Variants in FHIP1B observed in about 807,000 individuals in gnomAD.
FHIP1B encodes the protein FHF complex subunit HOOK-interacting protein 1B.
In FHIP1B, 28 loss-of-function variants were observed where a neutral mutation model predicts 82.2. The ratio of observed to expected loss-of-function variants is 0.34; its 90% CI spans 0.25 to 0.47. The LOEUF is 0.47. Among genes scored for constraint, FHIP1B ranks in the 20% least tolerant of loss-of-function variants. FHIP1B has a pLI of 1.00. For synonymous variants in FHIP1B, 585 were observed against 516.1 expected (o/e 1.13, Z -1.81); for missense variants, 1,110 against 1,262.6 (o/e 0.88, Z 1.83).
At chr11:6,213,105 A>C (rs1230925897) in intron 11 of FHIP1B, among the ~76,000 whole-genome samples, 4 of 152,166 alleles carry the variant, frequency 2.6e-5, no homozygotes, top group African/African-American at 9.7e-5. Flanking sequence ...GGCCCCTCTA[A>C]AGTGACCCCA....
chr11:6,218,893 A>G (rs996635541), intron 7 of FHIP1B, 78 bp downstream of exon 7: 2 of 1,565,500 alleles, frequency 1.3e-6, no homozygotes, highest in Admixed American at 1.7e-5. Flanking sequence ...TAACCCCTAT[A>G]TAGCCCATTG....
In FHIP1B at chr11:6,218,063, T is replaced by G. The variant is rs750991220; in HGVS notation, c.1523A>C (p.Gln508Pro). 17 of 1,613,548 alleles carry G rather than the reference T, an allele frequency of 1.1e-5. 1 individual carries two copies. The highest frequency in any genetic ancestry group is 8.8e-5 in the South Asian group (8 of 91,042). Residue 508 changes from glutamine to proline, a missense_variant, in exon 9 of 12, where the codon CAG becomes CCG. This residue lies in a region of FHIP1B where 418 missense variants were observed against 371.4 expected (regional missense o/e 1.13). Coordinates refer to ENST00000449352, the MANE Select transcript of FHIP1B (RefSeq NM_001098794.2). ...AGACTCAGAGCCACCCAGGCTCTGCTGCCGCAGGAAGAGAGCCAGACGAGA... is the reference window on the plus strand; with the variant it reads ...AGACTCAGAGCCACCCAGGCTCTGCGGCCGCAGGAAGAGAGCCAGACGAGA... ...TPSRLALFLR[Q>P]QSLGGSESPG...
rs1202931569 is a variant in FHIP1B, at chr11:6,211,536, G to A, written c.2889C>T (p.Leu963=). The A allele has an allele frequency of 1.2e-6, 2 of 1,609,360 alleles. No homozygotes were observed. Among genetic ancestry groups the A allele is most frequent in the African/African-American group, 1.3e-5 (1 of 74,614 alleles). Residue 963 remains leucine, a synonymous_variant, in exon 12 of 12, where the codon CTC becomes CTT. Coordinates refer to ENST00000449352, the MANE Select transcript of FHIP1B (RefSeq NM_001098794.2). ...GATTGAGGGGCCCACAGCCTGAGATGAGAGGGCCAGATCCTTCCTCTGAAG... is the reference window on the plus strand; with the variant it reads ...GATTGAGGGGCCCACAGCCTGAGATAAGAGGGCCAGATCCTTCCTCTGAAG... ...LETSEEGSGP[L]ISGCGPLNP
chr11:6,227,311 T>G (rs766048281), intron 1 of FHIP1B, among the ~76,000 whole-genome samples: 8 of 152,214 alleles, frequency 5.3e-5, no homozygotes, highest in Admixed American at 1.3e-4. Flanking sequence ...CCAGAGAGGT[T>G]AAATAAATTG....
rs1197834426 is a variant in FHIP1B at position 6,222,791 on chromosome 11, T to C, written c.1023+20A>G. 1.9e-6 allele frequency: 3 copies of C among 1,612,902 alleles called. No individual in the cohort carries two copies. Among genetic ancestry groups the C allele is most frequent in the Non-Finnish European group, 2.5e-6 (3 of 1,178,902 alleles). Reference sequence around the variant, plus strand: ...ACTGCAGCTTAGCCCCTTATATGCCTTGCCACCCATGACTCTCACCTTGTG... The same window carrying C: ...ACTGCAGCTTAGCCCCTTATATGCCCTGCCACCCATGACTCTCACCTTGTG... On this transcript the variant is annotated intron_variant, in intron 5 of 11. Transcript: ENST00000449352.
chr11:6,218,261 T>C, intron 8 of FHIP1B, 111 bp from the exon 9 acceptor site: 1 of 1,417,522 alleles, frequency 7.1e-7, no homozygotes, highest in Non-Finnish European at 9.3e-7. Flanking sequence ...AAACATGGAA[T>C]CTATTCAGAC....
intron 1 of FHIP1B, among the ~76,000 whole-genome samples, chr11:6,232,225 C>T (rs1847717396): frequency 6.6e-6 from 1 of 151,878 alleles, no homozygotes; most frequent in South Asian, 2.1e-4. Context: ...CTTACCAAAT[C>T]CAGTGCTTTC....
At position 6,211,671 on chromosome 11, in the gene FHIP1B, A is replaced by G. The variant is rs1847075549; in HGVS notation, c.2754T>C (p.Ala918=). 2 of 1,614,116 alleles carry G rather than the reference A, an allele frequency of 1.2e-6. No individual in the cohort carries two copies. Among genetic ancestry groups the G allele is most frequent in the African/African-American group, 1.3e-5 (1 of 74,958 alleles). Residue 918 remains alanine (A), a synonymous_variant, in exon 12 of 12, where the codon GCT becomes GCC. Coordinates refer to ENST00000449352, the MANE Select transcript of FHIP1B (RefSeq NM_001098794.2). ...RGGAPERQGE[A]LRVKNAVYCA... is the part of the protein sequence containing the mutation. ...AGTAGACAGCATTCTTGACTCGAAG[A>G]GCCTCACCTTGGCGTTCAGGGGCCC...
chr11:6,212,242 A>G (rs1232318589), intron 11 of FHIP1B, among the ~76,000 whole-genome samples: 1 of 151,986 alleles, frequency 6.6e-6, no homozygotes, highest in African/African-American at 2.4e-5. Flanking sequence ...ACCCTGACGA[A>G]TTCTCCTATT....
Position 6,211,698 on chromosome 11 carries a change from G to T in FHIP1B, c.2727C>A (p.Gly909=). 1 of 1,614,170 alleles carries T rather than the reference G, an allele frequency of 6.2e-7. No homozygotes were observed. The highest frequency in any genetic ancestry group is 8.5e-7 in the Non-Finnish European group (1 of 1,179,990). The change falls in exon 12 of 12, where the codon GGC becomes GGA. Residue 909 remains glycine (G), a synonymous_variant. Transcript: ENST00000449352. ...CCTCACCTTGGCGTTCAGGGGCCCC[G>T]CCCCGGGTGAGTAGAACTGGAGTTG... ...GASTPVLLTR[G]GAPERQGEAL...
rs1408052288 is a variant in FHIP1B, at chr11:6,217,466, GCCT to G, written c.2117_2119del (p.Glu706del). The G allele has an allele frequency of 1.1e-5, 18 of 1,613,538 alleles. No individual in the cohort carries two copies. The Middle Eastern group carries it at 4.9e-4, about 44-fold the overall frequency. On this transcript the variant is annotated inframe_deletion, in exon 9 of 12. Transcript: ENST00000449352. The stretch of plus-strand genomic sequence containing the variant: ...AGGGGGACAGGTGAAGCTCTCGTAG[GCCT>G]CCTCCTCCTCAAGGGGCAGTGGAGG...
Position 6,223,122 on chromosome 11 carries a change from T to C in FHIP1B, c.894A>G (p.Ala298=). 6.3e-7 allele frequency: 1 copy of C among 1,597,958 alleles called. No homozygotes were observed. Among genetic ancestry groups the C allele is most frequent in the South Asian group, 1.1e-5 (1 of 89,054 alleles). ...AGAACTCCAGGGAACTCATGAAGAG[T>C]GCAAGGGCTGGCACTCCCAGCCAGT... ...REDWLGVPAL[A]LFMSSLEFCN... The change falls in exon 4 of 12, where the codon GCA becomes GCG. Residue 298 remains alanine (A), a synonymous_variant. Coordinates refer to ENST00000449352, the MANE Select transcript of FHIP1B (RefSeq NM_001098794.2). The surrounding 1 kb of genome is among the most constrained non-coding windows in gnomAD (Gnocchi z 4.8).
At chr11:6,231,039 G>A (rs1309502635) in intron 1 of FHIP1B, among the ~76,000 whole-genome samples, 2 of 152,176 alleles carry the variant, frequency 1.3e-5, no homozygotes, top group Non-Finnish European at 2.9e-5. Flanking sequence ...GATCAGATGT[G>A]TATTTTCAGA....
intron 6 of FHIP1B, among the ~76,000 whole-genome samples, chr11:6,221,240 C>T (rs560069107): frequency 1.3e-5 from 2 of 152,120 alleles, no homozygotes; most frequent in East Asian, 1.9e-4. Flanking sequence ...AGGAAACTGA[C>T]CTGGAACTCT....
In FHIP1B at chr11:6,211,703, G is replaced by T. The variant is rs139429864; in HGVS notation, c.2722C>A (p.Arg908=). The T allele has an allele frequency of 7.4e-6, 12 of 1,614,208 alleles. No homozygotes were observed. Among genetic ancestry groups the T allele is most frequent in the Non-Finnish European group, 1.0e-5 (12 of 1,180,016 alleles). ...CCTTGGCGTTCAGGGGCCCCGCCCC[G>T]GGTGAGTAGAACTGGAGTTGAAGCC... is the stretch of plus-strand genomic sequence containing the variant. ...PGASTPVLLT[R]GGAPERQGEA... is the part of the protein sequence containing the mutation. Residue 908 remains arginine (R), a synonymous_variant, in exon 12 of 12, where the codon CGG becomes AGG. Coordinates refer to ENST00000449352, the MANE Select transcript of FHIP1B (RefSeq NM_001098794.2).
rs144607645 is a variant in FHIP1B, at chr11:6,218,649, C to T, written c.1386G>A (p.Arg462=). ...GACGAGGTGGGCTGGGGGCGTGGTGCCGACAACAGCGTGGGATTAGGGAGA... is the reference window on the plus strand; with the variant it reads ...GACGAGGTGGGCTGGGGGCGTGGTGTCGACAACAGCGTGGGATTAGGGAGA... ...KFLSLIPRCC[R]HHAPSPPRPE... The change falls in exon 8 of 12, where the codon CGG becomes CGA. Residue 462 remains arginine, a synonymous_variant. Coordinates refer to ENST00000449352, the MANE Select transcript of FHIP1B (RefSeq NM_001098794.2). The T allele has an allele frequency of 1.4e-5, 22 of 1,614,124 alleles. No homozygotes were observed. The highest frequency in any genetic ancestry group is 3.3e-4 in the Middle Eastern group (2 of 6,062).
intron 11 of FHIP1B, 80 bp from the exon 12 acceptor site, chr11:6,211,947 C>G: frequency 8.1e-6 from 12 of 1,477,922 alleles, no homozygotes; most frequent in South Asian, 1.4e-5. Context: ...TCCCCCACCC[C>G]CTAGGTTCTT....
At chr11:6,225,923 A>G (rs1768622126) in intron 1 of FHIP1B, among the ~76,000 whole-genome samples, 1 of 152,244 alleles carries the variant, frequency 6.6e-6, no homozygotes, top group Non-Finnish European at 1.5e-5. Context: ...CTCGCTCCCA[A>G]GAAAATGGTA....
Position 6,224,508 on chromosome 11 carries a change from C to G in FHIP1B, c.9G>C (p.Arg3Ser). 6.2e-7 allele frequency: 1 copy of G among 1,612,212 alleles called. No individual in the cohort carries two copies. The highest frequency in any genetic ancestry group is 8.5e-7 in the Non-Finnish European group (1 of 1,179,040). Reference sequence around the variant, plus strand: ...AGGCCAGTCTGCTCAGCCAATTCATCCTCTCCATGAGGCAGGCTGGGCAGG... The same window carrying G: ...AGGCCAGTCTGCTCAGCCAATTCATGCTCTCCATGAGGCAGGCTGGGCAGG... Reference protein sequence around the residue: MERMNWLSRLASR... With the variant: MESMNWLSRLASR... Residue 3 changes from arginine to serine, a missense_variant, in exon 2 of 12, where the codon AGG becomes AGC. Transcript: ENST00000449352.
Sources: allele counts gnomAD v4.1 joint callset (sites outside exome capture counted in the v4.1 genomes callset), GRCh38; gene constraint gnomAD v4.1.1; regional missense constraint gnomAD v4.1.1; non-coding constraint Gnocchi (gnomAD v3.1); transcripts MANE v1.5; gene names NCBI Gene and HGNC (gene_info 2026-07-23, HGNC 2026-07-21).